Variants in ITPR2 observed in about 807,000 individuals in gnomAD.
The protein encoded by ITPR2 is inositol 1,4,5-trisphosphate-gated calcium channel ITPR2.
Under a neutral mutation model 317.1 loss-of-function variants are expected in ITPR2, and 207 were observed. That is an observed-to-expected ratio of 0.65 (90% confidence interval 0.58 to 0.73). ITPR2 has a LOEUF of 0.73. ITPR2 is among the 30% of genes least tolerant of loss of function. ITPR2 has a pLI of 0.00. For missense variants in ITPR2, 2,613 were observed against 3,284.0 expected (o/e 0.80, Z 4.99); for synonymous variants, 1,156 against 1,149.1 (o/e 1.01, Z -0.12).
In ITPR2 at chr12:26,832,933, C is replaced by G. The variant is rs921339803; in HGVS notation, c.-152G>C. 74 of 622,594 alleles carry G rather than the reference C, an allele frequency of 1.2e-4. No individual in the cohort carries two copies. The highest frequency in any genetic ancestry group is 7.1e-4 in the Middle Eastern group (2 of 2,822). 38.6% of individuals were successfully genotyped at this position (622,594 alleles called of 1,614,324 possible). A position where few individuals can be genotyped will look rare whatever the true frequency, so the allele number is the denominator to read the frequency against. The stretch of plus-strand genomic sequence containing the variant: ...GGGCACGGCCCGAGCCACTGAGCGT[C>G]GCGGCTCAGCCGTGCGTGCGCGCCG... On this transcript the variant is annotated 5_prime_UTR_variant, in exon 1 of 57. Coordinates refer to ENST00000381340, the MANE Select transcript of ITPR2 (RefSeq NM_002223.4).
chr12:26,437,921 C>T, intron 47 of ITPR2, among the ~76,000 whole-genome samples: 1 of 152,102 alleles, frequency 6.6e-6, no homozygotes, highest in Admixed American at 6.5e-5. Context: ...CCTGCCTCAG[C>T]CTCCCGAGTA....
In ITPR2 at chr12:26,659,168, T is replaced by C; in HGVS notation, c.1831A>G (p.Thr611Ala). 1.2e-6 allele frequency: 2 copies of C among 1,613,696 alleles called. No individual in the cohort carries two copies. The highest frequency in any genetic ancestry group is 8.5e-7 in the Non-Finnish European group (1 of 1,179,734). ...ACAAATGTTTCTATTTCTTTTGCTGTGATATGTTTCTCTAGTAGTTTTCTG... is the reference window on the plus strand; with the variant it reads ...ACAAATGTTTCTATTTCTTTTGCTGCGATATGTTTCTCTAGTAGTTTTCTG... ...NNRKLLEKHI[T>A]AKEIETFVSL... is the part of the protein sequence containing the mutation. Residue 611 changes from threonine (T) to alanine (A), a missense_variant, in exon 16 of 57, where the codon ACA becomes GCA. By Grantham distance (58) the Thr-to-Ala change is moderately conservative. Transcript: ENST00000381340.
At chr12:26,483,575 G>GT (rs768549652) in intron 42 of ITPR2, 123 bp downstream of exon 42, 12 of 696,088 alleles carry the variant, frequency 1.7e-5, no homozygotes, top group Non-Finnish European at 2.8e-5. Flanking sequence ...GTCTTTGTAT[G>GT]TTTTATTAGG....
intron 10 of ITPR2, among the ~76,000 whole-genome samples, chr12:26,694,760 C>A (rs914893122): frequency 6.6e-6 from 1 of 152,138 alleles, no homozygotes; most frequent in Admixed American, 6.6e-5. Context: ...CCACCCAGTG[C>A]GCTAAAATTG....
intron 37 of ITPR2, among the ~76,000 whole-genome samples, chr12:26,539,294 T>A (rs1002835): frequency 0.57 from 85,989 of 152,102 alleles, 28,251 homozygotes; most frequent in Non-Finnish European, 0.76. Context: ...GATCAACAGT[T>A]CTTGGACTCT....
chr12:26,414,110 C>A (rs1187858296), intron 51 of ITPR2, among the ~76,000 whole-genome samples: 2 of 149,006 alleles, frequency 1.3e-5, no homozygotes, highest in East Asian at 4.0e-4. Flanking sequence ...CATATTTATA[C>A]CTGTAAAACT....
intron 55 of ITPR2, among the ~76,000 whole-genome samples, chr12:26,380,635 T>C (rs983140346): frequency 6.6e-6 from 1 of 152,184 alleles, no homozygotes; most frequent in Non-Finnish European, 1.5e-5. Flanking sequence ...ACAAAATTAG[T>C]GTAAACTAGA....
At chr12:26,472,663 CCTCTT>C (rs1227847622) in intron 45 of ITPR2, among the ~76,000 whole-genome samples, 1 of 152,146 alleles carries the variant, frequency 6.6e-6, no homozygotes, top group Non-Finnish European at 1.5e-5. Context: ...TGTCTATTCT[CCTCTT>C]CAAGCGCTGT....
chr12:26,519,792 A>C (rs1024976783), intron 37 of ITPR2, among the ~76,000 whole-genome samples: 2 of 152,256 alleles, frequency 1.3e-5, no homozygotes, highest in Non-Finnish European at 2.9e-5. Flanking sequence ...AAGAGAATTT[A>C]TTAAGGTAAT....
intron 34 of ITPR2, among the ~76,000 whole-genome samples, chr12:26,569,613 A>G (rs927823851): frequency 1.3e-5 from 2 of 152,026 alleles, no homozygotes; most frequent in Non-Finnish European, 2.9e-5. Context: ...ATAGGCAAAG[A>G]GATCATTTTC....
chr12:26,655,078 G>C (rs919852712), intron 20 of ITPR2, among the ~76,000 whole-genome samples: 4 of 152,120 alleles, frequency 2.6e-5, no homozygotes, highest in Non-Finnish European at 5.9e-5. Context: ...CCTTTCTCTA[G>C]TTTTGTCACT....
chr12:26,764,321 G>A (rs1268300449), intron 2 of ITPR2, among the ~76,000 whole-genome samples: 2 of 151,980 alleles, frequency 1.3e-5, no homozygotes, highest in Non-Finnish European at 2.9e-5. Flanking sequence ...CAATACCAAA[G>A]GCACAATCCG....
intron 9 of ITPR2, among the ~76,000 whole-genome samples, chr12:26,707,772 C>T (rs1213451900): frequency 2.0e-5 from 3 of 152,082 alleles, no homozygotes; most frequent in African/African-American, 4.8e-5. Context: ...TCAGGTGATC[C>T]ACCCGCCTCA....
chr12:26,340,837 T>C (rs1032769533), intron 55 of ITPR2, among the ~76,000 whole-genome samples: 4 of 152,132 alleles, frequency 2.6e-5, no homozygotes, highest in Non-Finnish European at 5.9e-5. Context: ...GAGCTCCACT[T>C]GAGGAAGAGG....
At chr12:26,588,964 A>C (rs527539762) in intron 32 of ITPR2, among the ~76,000 whole-genome samples, 91 of 152,360 alleles carry the variant, frequency 6.0e-4, no homozygotes, top group African/African-American at 2.0e-3. Context: ...CATTGACCAT[A>C]GTCTACCCTC....
rs1950051841 is a variant in ITPR2 at position 26,780,130 on chromosome 12, G to C, written c.163+10027C>G. ...GGTGGCAGGGATAGAGGTTACTCAT[G>C]GGCTCAGTAATATGGACTTCCACTC... On this transcript the variant is annotated intron_variant, in intron 2 of 56. Coordinates refer to ENST00000381340, the MANE Select transcript of ITPR2 (RefSeq NM_002223.4). Among the ~76,000 whole-genome samples, 3 of 152,164 alleles carry C rather than the reference G, an allele frequency of 2.0e-5. No homozygotes were observed. In the South Asian group the frequency reaches 6.2e-4, roughly 31 times the overall value.
intron 45 of ITPR2, among the ~76,000 whole-genome samples, chr12:26,451,775 A>G (rs889610163): frequency 2.0e-4 from 30 of 152,204 alleles, no homozygotes; most frequent in African/African-American, 7.0e-4. Context: ...CAAATGATTC[A>G]TGACAGCTCA....
At chr12:26,739,807 G>A (rs190601490) in intron 2 of ITPR2, among the ~76,000 whole-genome samples, 48 of 152,222 alleles carry the variant, frequency 3.2e-4, no homozygotes, top group Non-Finnish European at 5.4e-4. Flanking sequence ...ATTCAATCAA[G>A]TTGAAAATAA....
intron 55 of ITPR2, among the ~76,000 whole-genome samples, chr12:26,377,778 T>TA (rs562846770): frequency 6.9e-4 from 105 of 152,336 alleles, no homozygotes; most frequent in Admixed American, 4.9e-3. Flanking sequence ...TCAATTCACA[T>TA]AAAATGGGTA....
Sources: gnomAD v4.1 joint callset for allele counts (sites outside exome capture counted in the v4.1 genomes callset) on GRCh38, gnomAD v4.1.1 for gene constraint, MANE v1.5 for transcripts, NCBI Gene and HGNC (gene_info 2026-07-23, HGNC 2026-07-21) for gene names.